The following UBAP2 variants were observed in gnomAD, a reference collection of about 807,000 sequenced individuals.
The protein encoded by UBAP2 is ubiquitin associated protein 2.
A neutral mutation model predicts 139.6 loss-of-function variants in UBAP2; 75 were observed. That is an observed-to-expected ratio of 0.54 (90% CI 0.45 to 0.65). UBAP2 has a LOEUF of 0.65. UBAP2 is among the 30% of genes least tolerant of loss of function. UBAP2 has a pLI of 0.00. For synonymous variants in UBAP2, 526 were observed against 526.2 expected, an observed-to-expected ratio of 1.00 and a Z score of 0.01; for missense variants, 1,368 against 1,369.6, an observed-to-expected ratio of 1.00 and a Z score of 0.02.
chr9:33,984,028 C>T (rs565676037), intron 6 of UBAP2, among the ~76,000 whole-genome samples: 1 of 152,114 alleles, frequency 6.6e-6, no homozygotes, highest in South Asian at 2.1e-4. Context: ...CTCAGCGTCC[C>T]GAGTAGCTGG....
At chr9:33,996,567 C>T in intron 3 of UBAP2, 2 of 461,298 alleles carry the variant, frequency 4.3e-6, no homozygotes, top group Non-Finnish European at 7.7e-6. Flanking sequence ...CCAAGTTGAC[C>T]AAGGAGCAGA....
chr9:33,955,888 C>A (rs557318826), intron 11 of UBAP2, among the ~76,000 whole-genome samples, 191 bp downstream of exon 11: 1 of 150,396 alleles, frequency 6.6e-6, no homozygotes, highest in South Asian at 2.1e-4. Context: ...CTAACAAATT[C>A]ATCAGTGGAT....
At chr9:33,942,674 G>A (rs954788813) in intron 15 of UBAP2, among the ~76,000 whole-genome samples, 9 of 149,938 alleles carry the variant, frequency 6.0e-5, no homozygotes, top group South Asian at 4.2e-4. Flanking sequence ...AGGTTGCAGC[G>A]AGCCAAGCAT....
intron 1 of UBAP2, among the ~76,000 whole-genome samples, chr9:34,036,090 T>C (rs897212584): frequency 6.6e-6 from 1 of 152,002 alleles, no homozygotes; most frequent in Non-Finnish European, 1.5e-5. Context: ...ACAATTTAAT[T>C]GTAACTTCAG....
At chr9:34,047,011 G>A (rs1827664791) in intron 1 of UBAP2, among the ~76,000 whole-genome samples, 1 of 152,128 alleles carries the variant, frequency 6.6e-6, no homozygotes, top group African/African-American at 2.4e-5. Context: ...TTTAAAGGGA[G>A]GACAGAGGAA....
At chr9:33,949,547 A>G (rs1316022017) in intron 12 of UBAP2, among the ~76,000 whole-genome samples, 1 of 152,158 alleles carries the variant, frequency 6.6e-6, no homozygotes. Context: ...TACTAAAAAT[A>G]CAAAAATTAG....
chr9:33,946,363 C>A (rs542038710), intron 13 of UBAP2, among the ~76,000 whole-genome samples: 1 of 152,234 alleles, frequency 6.6e-6, no homozygotes, highest in Admixed American at 6.5e-5. Flanking sequence ...CAAAAAAATT[C>A]TCCTGTGTTT....
chr9:33,990,660 G>A (rs1395835129), intron 4 of UBAP2, among the ~76,000 whole-genome samples: 1 of 89,272 alleles, frequency 1.1e-5, no homozygotes, highest in Non-Finnish European at 2.2e-5. Flanking sequence ...TTTTGAGACA[G>A]AGTCTCACTC....
At chr9:33,938,323 T>A (rs1824779793) in intron 16 of UBAP2, among the ~76,000 whole-genome samples, 1 of 151,868 alleles carries the variant, frequency 6.6e-6, no homozygotes, top group East Asian at 1.9e-4. Flanking sequence ...GAGACAGAGT[T>A]TTTTGTCATG....
chr9:33,931,292 C>T (rs1823959141), intron 19 of UBAP2, among the ~76,000 whole-genome samples: 2 of 152,208 alleles, frequency 1.3e-5, no homozygotes, highest in Admixed American at 1.3e-4. Context: ...GAATCCCCTG[C>T]ATATATGGAG....
chr9:33,926,839 A>G (rs1823475162), intron 21 of UBAP2, 150 bp downstream of exon 21: 1 of 966,314 alleles, frequency 1.0e-6, no homozygotes, highest in Non-Finnish European at 1.6e-6. Flanking sequence ...GAAGAAGACC[A>G]CCAGGGCTCA....
rs143411935 is a variant in UBAP2, at chr9:33,937,737, G to A, written c.1930-1859C>T. Among the ~76,000 whole-genome samples, 69 of 144,720 alleles carry A rather than the reference G, an allele frequency of 4.8e-4. No homozygotes were observed. The East Asian group carries it at 7.0e-3, about 15-fold the overall frequency. The allele number at this position is 144,720 out of a possible 152,430, so 94.9% of individuals were successfully genotyped here. A position where few individuals can be genotyped will look rare whatever the true frequency, so the allele number is the denominator to read the frequency against. On this transcript the variant is annotated intron_variant, in intron 16 of 28. Coordinates refer to ENST00000379238, the MANE Select transcript of UBAP2 (RefSeq NM_001370062.2). ...AGCCTGGCAAACATGATGAAACCCC[G>A]TCTCTATTTAAAAAATACAAAAAAA... is the stretch of plus-strand genomic sequence containing the variant.
At position 33,988,984 on chromosome 9, in the gene UBAP2, C is replaced by T. The variant is rs770183760; in HGVS notation, c.431G>A (p.Arg144His). ...AAGTCTGTACTTACATTCTCTGCCA[C>T]GATTGCCGCCTCTTCCTTTCCGGTT... ...NNNRKGRGGN[R>H]GREFRGEENG... The change falls in exon 5 of 29, where the codon CGT becomes CAT. Residue 144 changes from arginine (R) to histidine (H), a missense_variant. Physicochemically the swap from Arg to His is conservative, Grantham distance 29. Coordinates refer to ENST00000379238, the MANE Select transcript of UBAP2 (RefSeq NM_001370062.2). The T allele has an allele frequency of 5.6e-6, 9 of 1,612,120 alleles. No homozygotes were observed. The highest frequency in any genetic ancestry group is 6.8e-6 in the Non-Finnish European group (8 of 1,179,392).
intron 11 of UBAP2, among the ~76,000 whole-genome samples, chr9:33,953,760 A>C (rs1357851802): frequency 6.6e-6 from 1 of 152,212 alleles, no homozygotes; most frequent in Non-Finnish European, 1.5e-5. Flanking sequence ...AACCTGGAGC[A>C]ATAAAGTAAA....
In UBAP2 at chr9:33,933,645, A is replaced by G. The variant is rs1274487499; in HGVS notation, c.1970-17T>C. 3.7e-6 allele frequency: 6 copies of G among 1,612,976 alleles called. No individual in the cohort carries two copies. The highest frequency in any genetic ancestry group is 5.1e-6 in the Non-Finnish European group (6 of 1,179,584). ...TCTTTGGAGCTGGAACAGATGAAGT[A>G]GCTGTAAGAAGCAGATCTGTTTATT... On this transcript the variant is annotated splice_polypyrimidine_tract_variant and intron_variant, in intron 17 of 28. Transcript: ENST00000379238.
At chr9:33,939,206 T>TTTTC (rs1824867938) in intron 16 of UBAP2, among the ~76,000 whole-genome samples, 5 of 138,316 alleles carry the variant, frequency 3.6e-5, no homozygotes, top group South Asian at 2.4e-4. Flanking sequence ...TTTTTTTTTT[T>TTTTC]TTTTTGAGAT....
intron 22 of UBAP2, among the ~76,000 whole-genome samples, chr9:33,925,639 C>T (rs1383829839): frequency 6.6e-6 from 1 of 152,170 alleles, no homozygotes; most frequent in African/African-American, 2.4e-5. Context: ...GGGGAGAAGC[C>T]GCTCCGCTCC....
At chr9:33,949,896 T>C (rs906231630) in intron 12 of UBAP2, among the ~76,000 whole-genome samples, 1 of 152,080 alleles carries the variant, frequency 6.6e-6, no homozygotes. Context: ...ATACGTTCCA[T>C]AAATAAGTAC....
chr9:33,969,280 C>A (rs1225680578), intron 8 of UBAP2, among the ~76,000 whole-genome samples: 1 of 152,060 alleles, frequency 6.6e-6, no homozygotes, highest in Non-Finnish European at 1.5e-5. Flanking sequence ...CTAAGCTGGG[C>A]ATGGTGGCTC....
Sources: gnomAD v4.1 joint callset for allele counts (sites outside exome capture counted in the v4.1 genomes callset) on GRCh38, gnomAD v4.1.1 for gene constraint, MANE v1.5 for transcripts, NCBI Gene and HGNC (gene_info 2026-07-23, HGNC 2026-07-21) for gene names.